Variants in CRADD observed in about 807,000 individuals in gnomAD.
CRADD encodes CARD and death domain containing adaptor protein, also known as death domain-containing protein CRADD.
CRADD carries 9 observed loss-of-function variants against 15.5 expected under a neutral mutation model. The ratio of observed to expected loss-of-function variants is 0.58; its 90% confidence interval spans 0.35 to 1.01. The LOEUF (loss-of-function observed/expected upper bound fraction) is 1.01, where lower values mean the gene tolerates loss of function less well. Among genes scored for constraint, CRADD ranks in the 50% least tolerant of loss-of-function variants. The pLI, the probability that CRADD is intolerant of heterozygous loss-of-function variation, is 0.02. For missense variants in CRADD, 227 were observed against 250.3 expected, an observed-to-expected ratio of 0.91 and a Z score of 0.63; for synonymous variants, 118 against 107.6, an observed-to-expected ratio of 1.10 and a Z score of -0.60.
At chr12:93,856,252 T>C (rs1958274097) in intron 2 of CRADD, among the ~76,000 whole-genome samples, 1 of 152,246 alleles carries the variant, frequency 6.6e-6, no homozygotes, top group African/African-American at 2.4e-5. Context: ...GGCTATGAAC[T>C]GTGGCACACT....
At chr12:93,865,281 A>G (rs891257859) in intron 2 of CRADD, among the ~76,000 whole-genome samples, 2 of 152,214 alleles carry the variant, frequency 1.3e-5, no homozygotes, top group Admixed American at 6.5e-5. Context: ...CAGGAACTGC[A>G]TACTGGTACA....
chr12:93,691,354 A>C (rs558845509), intron 2 of CRADD, among the ~76,000 whole-genome samples: 1 of 151,986 alleles, frequency 6.6e-6, no homozygotes, highest in Admixed American at 6.5e-5. Context: ...CCCGGGTTCA[A>C]GCAATTCTCC....
At chr12:93,711,275 G>C (rs1044605117) in intron 2 of CRADD, among the ~76,000 whole-genome samples, 3 of 151,954 alleles carry the variant, frequency 2.0e-5, no homozygotes, top group Admixed American at 1.3e-4. Flanking sequence ...TCTGGGCTGA[G>C]ATAATGTTAA....
intron 2 of CRADD, among the ~76,000 whole-genome samples, chr12:93,845,270 C>G (rs1262375865): frequency 7.9e-5 from 12 of 152,180 alleles, no homozygotes; most frequent in Non-Finnish European, 1.5e-5. Context: ...ACACCTGGTT[C>G]CCTATAAAGT....
At position 93,850,168 on chromosome 12, in the gene CRADD, G is replaced by C; in HGVS notation, c.497G>C (p.Arg166Pro). ...TCGCAGGTGGTGGAGGCCTTCATCC[G>C]TTGGCGGCAGCGCTTCGGGAAGCAG... ...VQSQVVEAFI[R>P]WRQRFGKQAT... The change falls in exon 3 of 3, where the codon CGT (arginine) becomes CCT (proline). Residue 166 changes from arginine (R) to proline (P), a missense_variant. Transcript: ENST00000332896. The surrounding 1 kb of genome is among the most constrained non-coding windows in gnomAD (Gnocchi z 4.0). 6.2e-7 allele frequency: 1 copy of C among 1,613,748 alleles called. No individual in the cohort carries two copies. Among genetic ancestry groups the C allele is most frequent in the South Asian group, 1.1e-5 (1 of 91,054 alleles).
intron 2 of CRADD, among the ~76,000 whole-genome samples, chr12:93,721,796 A>C (rs920825395): frequency 6.6e-6 from 1 of 152,208 alleles, no homozygotes; most frequent in African/African-American, 2.4e-5. Flanking sequence ...TCCCATGGAT[A>C]ATAAGGGACT....
chr12:93,713,520 A>G (rs889079349), intron 2 of CRADD, among the ~76,000 whole-genome samples: 3 of 152,160 alleles, frequency 2.0e-5, no homozygotes, highest in African/African-American at 7.2e-5. Flanking sequence ...ATCTACATAC[A>G]GCCTCCTGTA....
At chr12:93,873,357 G>T (rs1389409296) in intron 2 of CRADD, among the ~76,000 whole-genome samples, 1 of 152,068 alleles carries the variant, frequency 6.6e-6, no homozygotes, top group Non-Finnish European at 1.5e-5. Context: ...CTGCAAACAA[G>T]GATAATCTGA....
At chr12:93,814,864 T>TA (rs1044800427) in intron 2 of CRADD, among the ~76,000 whole-genome samples, 116 of 152,242 alleles carry the variant, frequency 7.6e-4, no homozygotes, top group African/African-American at 2.6e-3. Context: ...AATGTTTTCT[T>TA]AAAAAAAATT....
chr12:93,717,319 T>A (rs61928992), intron 2 of CRADD, among the ~76,000 whole-genome samples: 1 of 152,144 alleles, frequency 6.6e-6, no homozygotes, highest in Non-Finnish European at 1.5e-5. Flanking sequence ...CTAGTCTAAC[T>A]CATCTTCTCA....
intron 2 of CRADD, among the ~76,000 whole-genome samples, chr12:93,807,073 T>C (rs1957547829): frequency 6.6e-6 from 1 of 152,126 alleles, no homozygotes; most frequent in African/African-American, 2.4e-5. Context: ...GCACACCATA[T>C]TAAGATTTGA....
At chr12:93,818,470 G>T (rs1299605094) in intron 2 of CRADD, among the ~76,000 whole-genome samples, 1 of 152,198 alleles carries the variant, frequency 6.6e-6, no homozygotes, top group Non-Finnish European at 1.5e-5. Context: ...TGGAGCTGCT[G>T]TGCAGGCCAG....
chr12:93,819,336 A>G (rs1297963034), intron 2 of CRADD, among the ~76,000 whole-genome samples: 1 of 152,240 alleles, frequency 6.6e-6, no homozygotes, highest in Non-Finnish European at 1.5e-5. Context: ...GGGAACATCT[A>G]GAAACCAGCT....
At chr12:93,855,686 C>T (rs1958267436), downstream of CRADD, among the ~76,000 whole-genome samples, 2 of 152,214 alleles carry the variant, frequency 1.3e-5, no homozygotes, top group Admixed American at 6.5e-5. Flanking sequence ...AAAATGCAAA[C>T]AAATAACAGT....
At chr12:93,712,500 A>G (rs1391784334) in intron 2 of CRADD, among the ~76,000 whole-genome samples, 1 of 152,222 alleles carries the variant, frequency 6.6e-6, no homozygotes, top group African/African-American at 2.4e-5. Flanking sequence ...CAGGCCAGAA[A>G]AAACATTAGT....
intron 2 of CRADD, among the ~76,000 whole-genome samples, chr12:93,882,493 C>A (rs1028738707): frequency 6.6e-6 from 1 of 151,366 alleles, no homozygotes; most frequent in African/African-American, 2.4e-5. Flanking sequence ...TATCCCCCCA[C>A]CCCCGTGTGT....
chr12:93,876,572 C>G (rs1958458900), intron 2 of CRADD, among the ~76,000 whole-genome samples: 1 of 152,092 alleles, frequency 6.6e-6, no homozygotes, highest in South Asian at 2.1e-4. Context: ...CTCACCAATT[C>G]TTTCTTCTGC....
chr12:93,679,120 T>A, intron 2 of CRADD, 48 bp downstream of exon 2: 1 of 1,441,282 alleles, frequency 6.9e-7, no homozygotes, highest in Non-Finnish European at 9.6e-7. Context: ...ATGTTGTAAC[T>A]ATGCTCTTTG....
At chr12:93,801,080 G>A (rs1250752849) in intron 2 of CRADD, among the ~76,000 whole-genome samples, 1 of 152,204 alleles carries the variant, frequency 6.6e-6, no homozygotes, top group Non-Finnish European at 1.5e-5. Flanking sequence ...TATTGGTGGT[G>A]CTGTAGACTT....
Sources: gnomAD v4.1 joint callset for allele counts (sites outside exome capture counted in the v4.1 genomes callset) on GRCh38, gnomAD v4.1.1 for gene constraint, Gnocchi (gnomAD v3.1) non-coding constraint, MANE v1.5 for transcripts, NCBI Gene and HGNC (gene_info 2026-07-23, HGNC 2026-07-21) for gene names.